Variants in PDIA3 observed in about 807,000 individuals in gnomAD.
PDIA3 encodes protein disulfide isomerase family A member 3.
PDIA3 carries 16 observed loss-of-function variants against 56.9 expected under a neutral mutation model. The ratio of observed to expected loss-of-function variants is 0.28; its 90% CI spans 0.19 to 0.43. PDIA3 has a LOEUF of 0.43. PDIA3 is among the 20% of genes least tolerant of loss of function. The probability of loss-of-function intolerance (pLI) is 1.00; values close to 1 mark genes in which losing one functional copy is unlikely to be tolerated. For synonymous variants in PDIA3, 192 were observed against 216.5 expected (o/e 0.89, Z 0.99); for missense variants, 485 against 621.3 (o/e 0.78, Z 2.33).
In PDIA3 at chr15:43,761,484, A is replaced by C. The variant is rs1268502382; in HGVS notation, c.425A>C (p.Glu142Ala). 1.2e-6 allele frequency: 2 copies of C among 1,602,352 alleles called. No individual in the cohort carries two copies. The highest frequency in any genetic ancestry group is 1.7e-6 in the Non-Finnish European group (2 of 1,171,224). Residue 142 changes from glutamate to alanine, a missense_variant, in exon 4 of 13, where the codon GAG becomes GCG. Glu to Ala is a moderately radical substitution (Grantham distance 107). Transcript: ENST00000300289. ...AGPASVPLRT[E>A]EEFKKFISDK... ...CCAGCTTCAGTGCCTCTCAGGACTG[A>C]GGAAGAATTTAAGAAATTCATTAGT...
intron 7 of PDIA3, 54 bp from the exon 8 acceptor site, chr15:43,766,674 A>C: frequency 6.9e-7 from 1 of 1,457,168 alleles, no homozygotes; most frequent in Non-Finnish European, 9.5e-7. Context: ...TTAGTTTCAA[A>C]AGTGCTTGAC....
intron 10 of PDIA3, 57 bp downstream of exon 10, chr15:43,769,703 ATGTAT>A: frequency 6.3e-7 from 1 of 1,581,822 alleles, no homozygotes; most frequent in South Asian, 1.1e-5. Context: ...AAGTTTATGT[ATGTAT>A]TCAGCATTGG....
intron 2 of PDIA3, among the ~76,000 whole-genome samples, chr15:43,755,935 A>T (rs945724257): frequency 3.3e-5 from 5 of 152,030 alleles, no homozygotes; most frequent in Non-Finnish European, 7.4e-5. Context: ...AAAAAAATTC[A>T]ATCACAATTC....
Position 43,757,949 on chromosome 15 carries a change from AAAAC to A in PDIA3, c.364+1186_364+1189del, listed in dbSNP as rs545560914. On this transcript the variant is annotated intron_variant, in intron 3 of 12. Transcript: ENST00000300289. ...AGGATGGCTACTATTTAAAAAAAAA[AAAAC>A]AACGAAATAGGCCGGGCGCGGTGGC... 3.0e-3 allele frequency among the ~76,000 whole-genome samples: 463 copies of A among 152,052 alleles called. 2 individuals carry two copies. Among genetic ancestry groups the A allele is most frequent in the Non-Finnish European group, 5.6e-3 (382 of 67,966 alleles).
chr15:43,765,839 T>C (rs1402578642), intron 6 of PDIA3, 48 bp from the exon 7 acceptor site: 3 of 1,578,320 alleles, frequency 1.9e-6, no homozygotes, highest in African/African-American at 1.4e-5. Flanking sequence ...CTTTATGATA[T>C]AGCTAAAAAC....
rs1209740223 is a variant in PDIA3 at position 43,759,161 on chromosome 15, GTGCC to G, written c.365-2260_365-2257del. ...AAAAATTAGCCGGGTGCAGTGGCGG[GTGCC>G]TGTAGTTCCAGCTACTCGGGAGGCT... On this transcript the variant is annotated intron_variant, in intron 3 of 12. Coordinates refer to ENST00000300289, the MANE Select transcript of PDIA3 (RefSeq NM_005313.5). Among the ~76,000 whole-genome samples, 5 of 151,524 alleles carry G rather than the reference GTGCC, an allele frequency of 3.3e-5. No homozygotes were observed. In the East Asian group the frequency reaches 7.7e-4, roughly 23 times the overall value.
intron 3 of PDIA3, among the ~76,000 whole-genome samples, chr15:43,758,988 A>C (rs903130941): frequency 2.6e-5 from 4 of 151,606 alleles, no homozygotes; most frequent in African/African-American, 9.7e-5. Context: ...AAAAAAAATA[A>C]AAATGAAAAT....
At chr15:43,770,406 C>T (rs750488100) in intron 11 of PDIA3, 77 bp downstream of exon 11, 4 of 1,396,888 alleles carry the variant, frequency 2.9e-6, no homozygotes, top group Non-Finnish European at 4.1e-6. Context: ...GAAATCATTA[C>T]TAGACATAGT....
At chr15:43,769,077 G>A (rs2141657536) in intron 9 of PDIA3, among the ~76,000 whole-genome samples, 1 of 151,788 alleles carries the variant, frequency 6.6e-6, no homozygotes, top group South Asian at 2.1e-4. Context: ...GGGCAAGCGT[G>A]TAAAGCCTGC....
chr15:43,757,153 G>A (rs558630503), intron 3 of PDIA3, among the ~76,000 whole-genome samples: 2 of 152,348 alleles, frequency 1.3e-5, no homozygotes, highest in South Asian at 2.1e-4. Context: ...AAATATAGAT[G>A]AGCTGGGTGC....
At position 43,772,529 on chromosome 15, in the gene PDIA3, G is replaced by A. The variant is rs983095292; in HGVS notation, c.*1311G>A. ...AATTGTTTAGAGAGCCCCAAAAGTG[G>A]CTCAGATGTAAAGCCAGGGTTAAGA... On this transcript the variant is annotated 3_prime_UTR_variant, in exon 13 of 13. Transcript: ENST00000300289. 6.6e-6 allele frequency: 1 copy of A among 152,234 alleles called. No individual in the cohort carries two copies. The highest frequency in any genetic ancestry group is 1.5e-5 in the Non-Finnish European group (1 of 68,056). The allele number at this position is 152,234 out of a possible 1,614,324, so 9.4% of individuals were successfully genotyped here.
intron 3 of PDIA3, among the ~76,000 whole-genome samples, chr15:43,757,060 AT>A (rs2086782809): frequency 6.6e-6 from 1 of 152,210 alleles, no homozygotes; most frequent in African/African-American, 2.4e-5. Flanking sequence ...GTTGGCATTT[AT>A]TGATAAAATA....
chr15:43,753,134 G>A (rs961141529), intron 1 of PDIA3, among the ~76,000 whole-genome samples: 1 of 149,894 alleles, frequency 6.7e-6, no homozygotes, highest in African/African-American at 2.5e-5. Context: ...CTGGAGTGCA[G>A]TGGCGCGATG....
chr15:43,761,575 G>C, intron 4 of PDIA3, 44 bp downstream of exon 4: 1 of 1,089,912 alleles, frequency 9.2e-7, no homozygotes, highest in South Asian at 1.3e-5. Flanking sequence ...TGTCAGTTTG[G>C]TTTCCAAAAC....
chr15:43,773,051 A>G lies in PDIA3; in HGVS notation c.*1833A>G. On this transcript the variant is annotated 3_prime_UTR_variant, in exon 13 of 13. Transcript: ENST00000300289. Reference sequence around the variant, plus strand: ...AAAAGCAGATAGTTGCATTCTATTTAGTTTATAGCTGCTTTGTTCCTTTGT... The same window carrying G: ...AAAAGCAGATAGTTGCATTCTATTTGGTTTATAGCTGCTTTGTTCCTTTGT... 1.4e-6 allele frequency: 2 copies of G among 1,404,720 alleles called. No homozygotes were observed. The highest frequency in any genetic ancestry group is 1.4e-5 in the African/African-American group (1 of 69,328). 87.0% of individuals were successfully genotyped at this position (1,404,720 alleles called of 1,614,324 possible). A position where few individuals can be genotyped will look rare whatever the true frequency, so the allele number is the denominator to read the frequency against.
At chr15:43,750,753 C>T (rs1425784700) in intron 1 of PDIA3, among the ~76,000 whole-genome samples, 2 of 149,506 alleles carry the variant, frequency 1.3e-5, no homozygotes, top group South Asian at 2.1e-4. Flanking sequence ...CCAGCCTGGG[C>T]GACAGCGAGA....
At chr15:43,765,829 C>G (rs2086844353) in intron 6 of PDIA3, 58 bp from the exon 7 acceptor site, 2 of 1,565,380 alleles carry the variant, frequency 1.3e-6, no homozygotes, top group Non-Finnish European at 8.7e-7. Context: ...TTTGTGGCAA[C>G]TTTATGATAT....
chr15:43,753,156 C>G (rs2086755651), intron 1 of PDIA3, among the ~76,000 whole-genome samples: 1 of 151,422 alleles, frequency 6.6e-6, no homozygotes, highest in Non-Finnish European at 1.5e-5. Flanking sequence ...CAGCTCACTG[C>G]AACCTCCACC....
intron 3 of PDIA3, among the ~76,000 whole-genome samples, chr15:43,761,080 A>C (rs2086812235): frequency 6.6e-6 from 1 of 151,580 alleles, no homozygotes; most frequent in South Asian, 2.1e-4. Flanking sequence ...CTACTAAAAA[A>C]ATACAAAAAA....
Sources: gnomAD v4.1 joint callset for allele counts (sites outside exome capture counted in the v4.1 genomes callset) on GRCh38, gnomAD v4.1.1 for gene constraint, MANE v1.5 for transcripts, NCBI Gene and HGNC (gene_info 2026-07-23, HGNC 2026-07-21) for gene names.